The following SPTBN4 variants were observed in gnomAD, a reference collection of about 807,000 sequenced individuals.
SPTBN4 encodes the protein spectrin beta, non-erythrocytic 4.
Under a neutral mutation model 277.8 loss-of-function variants are expected in SPTBN4, and 96 were observed. That is an observed-to-expected ratio of 0.35 (90% CI 0.29 to 0.41). The LOEUF is 0.41. Among genes scored for constraint, SPTBN4 ranks in the 10% least tolerant of loss-of-function variants. SPTBN4 has a pLI of 1.00. For synonymous variants in SPTBN4, 1,481 were observed against 1,580.3 expected, an observed-to-expected ratio of 0.94 and a Z score of 1.49; for missense variants, 3,006 against 3,595.7, an observed-to-expected ratio of 0.84 and a Z score of 4.19.
At chr19:40,478,156 G>A (rs1029984925) in intron 2 of SPTBN4, among the ~76,000 whole-genome samples, 1 of 152,098 alleles carries the variant, frequency 6.6e-6, no homozygotes, top group Non-Finnish European at 1.5e-5. Flanking sequence ...AGCTCTTAAA[G>A]GGCCTTGCGG....
rs548370068 is a variant in SPTBN4, at chr19:40,566,983, A to C, written c.6336+624A>C. 5.2e-5 allele frequency: 14 copies of C among 268,554 alleles called. 1 individual carries two copies. Among genetic ancestry groups the C allele is most frequent in the Admixed American group, 9.0e-5 (2 of 22,210 alleles). 16.6% of individuals were successfully genotyped at this position (268,554 alleles called of 1,614,324 possible). On this transcript the variant is annotated intron_variant, in intron 30 of 35. Transcript: ENST00000598249. ...AAACAACAACAACAATAAAAAAAAA[A>C]CAACAAAAAAAAACCGCTTAAAGGC...
intron 12 of SPTBN4, among the ~76,000 whole-genome samples, chr19:40,505,132 A>AATC: frequency 6.7e-6 from 1 of 149,374 alleles, no homozygotes. Flanking sequence ...CACCTGCGGT[A>AATC]CCAGCACTTT....
At chr19:40,486,417 T>C (rs1402020561) in intron 2 of SPTBN4, among the ~76,000 whole-genome samples, 1 of 151,866 alleles carries the variant, frequency 6.6e-6, no homozygotes, top group African/African-American at 2.4e-5. Context: ...TCACCCTTGC[T>C]GGAGTGCAGT....
chr19:40,570,957 A>G, intron 33 of SPTBN4: 2 of 468,096 alleles, frequency 4.3e-6, no homozygotes, highest in Non-Finnish European at 3.8e-6. Context: ...TGGGGGTAGT[A>G]GGTGGGGCCA....
intron 1 of SPTBN4, among the ~76,000 whole-genome samples, chr19:40,469,844 A>G (rs1253726508): frequency 6.6e-6 from 1 of 151,172 alleles, no homozygotes; most frequent in African/African-American, 2.4e-5. Context: ...GGGTTTCACC[A>G]TGTTGGCCAG....
chr19:40,557,852 A>C (rs1383183906), intron 26 of SPTBN4, among the ~76,000 whole-genome samples: 2 of 133,316 alleles, frequency 1.5e-5, no homozygotes, highest in African/African-American at 2.8e-5. Flanking sequence ...CGGGAGGAGG[A>C]GGTTGCAGTG....
intron 5 of SPTBN4, among the ~76,000 whole-genome samples, chr19:40,493,934 A>G (rs1366879631): frequency 6.6e-6 from 1 of 151,878 alleles, no homozygotes. Flanking sequence ...AGCTCTGGCC[A>G]CCCTCTCCCG....
intron 12 of SPTBN4, among the ~76,000 whole-genome samples, chr19:40,505,700 G>GAGGAAGGAAGGAAGGAAGGAAGGAAGGA (rs369584973): frequency 1.5e-4 from 17 of 116,594 alleles, no homozygotes; most frequent in Admixed American, 1.4e-3. Context: ...GAATGAAAGG[G>GAGGAAGGAAGGAAGGAAGGAAGGAAGGA]AGGAAGGAAG....
At chr19:40,494,761 T>C (rs1281599480) in intron 5 of SPTBN4, 136 bp from the exon 6 acceptor site, 1 of 715,534 alleles carries the variant, frequency 1.4e-6, no homozygotes, top group East Asian at 2.8e-5. Context: ...CACCCACCCA[T>C]CCATCCATCT....
Position 40,473,907 on chromosome 19 carries a change from A to G in SPTBN4, c.169+1117A>G, listed in dbSNP as rs143661691. ...CTGTAATCCCAGCACTTTGGGAGGC[A>G]AAGGTGGACAGATCTCTTGAGTGCA... On this transcript the variant is annotated intron_variant, in intron 2 of 35. Transcript: ENST00000598249. Among the ~76,000 whole-genome samples the G allele has an allele frequency of 1.9e-3, 281 of 151,680 alleles. 2 individuals carry two copies. Among genetic ancestry groups the G allele is most frequent in the African/African-American group, 6.5e-3 (270 of 41,392 alleles).
Position 40,529,235 on chromosome 19 carries a change from C to A in SPTBN4, c.3948+104C>A, listed in dbSNP as rs779215994. 88 of 1,117,416 alleles carry A rather than the reference C, an allele frequency of 7.9e-5. 1 individual carries two copies. In the Middle Eastern group the frequency reaches 1.6e-3, roughly 21 times the overall value. The allele number at this position is 1,117,416 out of a possible 1,614,324, so 69.2% of individuals were successfully genotyped here. A position where few individuals can be genotyped will look rare whatever the true frequency, so the allele number is the denominator to read the frequency against. Reference sequence around the variant, plus strand: ...GGGGACGCCCCGTCTAAGTGGGTCGCGGAGCGATGCTCGCTCTAAGCCGCC... The same window carrying A: ...GGGGACGCCCCGTCTAAGTGGGTCGAGGAGCGATGCTCGCTCTAAGCCGCC... On this transcript the variant is annotated intron_variant, in intron 18 of 35. Coordinates refer to ENST00000598249, the MANE Select transcript of SPTBN4 (RefSeq NM_020971.3).
Position 40,557,787 on chromosome 19 carries a change from G to A in SPTBN4, c.5670+384G>A, listed in dbSNP as rs529646961. ...ACGAAAATTAGCCAGGTCTGGTGGC[G>A]GGCACCTGTAATCCCAGCTACTTGG... On this transcript the variant is annotated intron_variant, in intron 26 of 35. Coordinates refer to ENST00000598249, the MANE Select transcript of SPTBN4 (RefSeq NM_020971.3). Among the ~76,000 whole-genome samples the A allele has an allele frequency of 1.2e-4, 18 of 151,812 alleles. 1 individual carries two copies. In the South Asian group the frequency reaches 1.7e-3, roughly 14 times the overall value.
intron 6 of SPTBN4, among the ~76,000 whole-genome samples, chr19:40,497,172 C>T (rs1234413424): frequency 6.6e-6 from 1 of 151,738 alleles, no homozygotes; most frequent in Non-Finnish European, 1.5e-5. Context: ...CAGAGACATA[C>T]ACAGGCAGGC....
intron 25 of SPTBN4, 85 bp from the exon 26 acceptor site, chr19:40,556,938 A>G (rs1451590193): frequency 2.0e-6 from 3 of 1,473,924 alleles, no homozygotes; most frequent in South Asian, 2.9e-5. Context: ...AAAAAGAAAA[A>G]AAAACATTGT....
Position 40,557,361 on chromosome 19 carries a change from C to G in SPTBN4, c.5628C>G (p.Thr1876=). The G allele has an allele frequency of 6.2e-7, 1 of 1,600,578 alleles. No homozygotes were observed. ...CCAGTGCCAGTTCCATGCAGCGGAC[C>G]CTGAGAGCCTTTGAGCATGACCTGC... ...PRPSASSMQR[T]LRAFEHDLQL... Residue 1876 remains threonine, a synonymous_variant, in exon 26 of 36, where the codon ACC becomes ACG. Transcript: ENST00000598249.
rs570000007 is a variant in SPTBN4 at position 40,504,912 on chromosome 19, GCAGA to G, written c.1665+785_1665+788del. 1.1e-4 allele frequency among the ~76,000 whole-genome samples: 16 copies of G among 152,194 alleles called. No homozygotes were observed. In the East Asian group the frequency reaches 2.7e-3, roughly 26 times the overall value. On this transcript the variant is annotated intron_variant, in intron 12 of 35. Transcript: ENST00000598249. The stretch of plus-strand genomic sequence containing the variant: ...TATAGAAACAGAGTAAACCAGGGAT[GCAGA>G]CAGAGAGATAGTGACAGTTTGAGAG...
At chr19:40,489,449 G>A (rs2080112012) in intron 3 of SPTBN4, among the ~76,000 whole-genome samples, 1 of 151,934 alleles carries the variant, frequency 6.6e-6, no homozygotes, top group South Asian at 2.1e-4. Flanking sequence ...GCAGTGGCGC[G>A]ATCTCGGCTC....
At chr19:40,477,860 C>T (rs138980496) in intron 2 of SPTBN4, among the ~76,000 whole-genome samples, 2,300 of 151,964 alleles carry the variant, frequency 0.015, 64 homozygotes, top group African/African-American at 0.053. Flanking sequence ...TTTTTTGAGA[C>T]GGAGTTTCGC....
At chr19:40,570,869 G>T in intron 33 of SPTBN4, 141 bp downstream of exon 33, 1 of 924,590 alleles carries the variant, frequency 1.1e-6, no homozygotes. Flanking sequence ...CAGAGCTGGG[G>T]GGTGGTGGTG....
Sources: gnomAD v4.1 joint callset for allele counts (sites outside exome capture counted in the v4.1 genomes callset) on GRCh38, gnomAD v4.1.1 for gene constraint, MANE v1.5 for transcripts, NCBI Gene and HGNC (gene_info 2026-07-23, HGNC 2026-07-21) for gene names.